Variants in CPE observed in about 807,000 individuals in gnomAD.
The protein encoded by CPE is carboxypeptidase E.
Under a neutral mutation model 53.5 loss-of-function variants are expected in CPE, and 17 were observed. The observed-to-expected ratio is 0.32, with a 90% CI of 0.22 to 0.48. The LOEUF is 0.48. CPE is among the 20% of genes least tolerant of loss of function. CPE has a pLI of 0.99. For synonymous variants in CPE, 226 were observed against 228.8 expected, an observed-to-expected ratio of 0.99 and a Z score of 0.11; for missense variants, 524 against 614.7, an observed-to-expected ratio of 0.85 and a Z score of 1.56.
intron 1 of CPE, among the ~76,000 whole-genome samples, chr4:165,389,253 A>C (rs73003609): frequency 1.5e-4 from 23 of 152,300 alleles, no homozygotes; most frequent in African/African-American, 5.5e-4. Flanking sequence ...TTGTGAATGC[A>C]GAAGTCGTCT....
rs1462686374 is a variant in CPE, at chr4:165,385,946, A to G, written c.307+6418A>G. Among the ~76,000 whole-genome samples, 4 of 152,002 alleles carry G rather than the reference A, an allele frequency of 2.6e-5. No individual in the cohort carries two copies. The East Asian group carries it at 7.7e-4, about 29-fold the overall frequency. ...AAACCTCCTTTCTCCCCGCTCCCTA[A>G]CTTTCTTACCCCTGCTGGGGCTCTT... On this transcript the variant is annotated intron_variant, in intron 1 of 8. Coordinates refer to ENST00000402744, the MANE Select transcript of CPE (RefSeq NM_001873.4).
At chr4:165,423,036 G>A (rs1287862447) in intron 1 of CPE, among the ~76,000 whole-genome samples, 1 of 149,234 alleles carries the variant, frequency 6.7e-6, no homozygotes, top group Non-Finnish European at 1.5e-5. Flanking sequence ...GGGACAACTC[G>A]AAGAAGGGAG....
chr4:165,495,469 G>C (rs1732690508), intron 7 of CPE, 90 bp from the exon 8 acceptor site: 3 of 799,012 alleles, frequency 3.8e-6, no homozygotes, highest in Non-Finnish European at 6.1e-6. Flanking sequence ...AACTGAGCTA[G>C]ACTGGGTATT....
chr4:165,483,357 A>C (rs1732453589), intron 4 of CPE, among the ~76,000 whole-genome samples: 1 of 152,178 alleles, frequency 6.6e-6, no homozygotes, highest in Non-Finnish European at 1.5e-5. Context: ...TGCATAGTGT[A>C]TATGTACCAC....
At chr4:165,393,950 C>A (rs531001356) in intron 1 of CPE, among the ~76,000 whole-genome samples, 50 of 152,192 alleles carry the variant, frequency 3.3e-4, no homozygotes, top group Non-Finnish European at 6.2e-4. Context: ...AAGAAACAAG[C>A]TTTTGTTGGA....
chr4:165,418,466 T>C (rs186252319), intron 1 of CPE, among the ~76,000 whole-genome samples: 101 of 152,246 alleles, frequency 6.6e-4, no homozygotes, highest in African/African-American at 2.2e-3. Context: ...TTGGGGAAAA[T>C]TAAAACTCTT....
intron 1 of CPE, among the ~76,000 whole-genome samples, chr4:165,388,671 C>G (rs1730635697): frequency 6.6e-6 from 1 of 152,206 alleles, no homozygotes; most frequent in African/African-American, 2.4e-5. Flanking sequence ...GAAGGCTTCT[C>G]TATCTTATTC....
chr4:165,422,503 A>G (rs1381572083), intron 1 of CPE, among the ~76,000 whole-genome samples: 1 of 152,150 alleles, frequency 6.6e-6, no homozygotes, highest in Non-Finnish European at 1.5e-5. Flanking sequence ...CATTATTGCT[A>G]TTGCAAACCA....
chr4:165,426,604 C>T (rs185950046), intron 1 of CPE, among the ~76,000 whole-genome samples: 16 of 152,254 alleles, frequency 1.1e-4, no homozygotes, highest in African/African-American at 3.6e-4. Context: ...TAGGCTGCCT[C>T]CAATTATTTT....
chr4:165,413,244 T>C (rs1397078944), intron 1 of CPE, among the ~76,000 whole-genome samples: 1 of 152,162 alleles, frequency 6.6e-6, no homozygotes, highest in Non-Finnish European at 1.5e-5. Flanking sequence ...CTCTATAGTG[T>C]GTTGTAATTG....
At chr4:165,415,455 G>A (rs113256722) in intron 1 of CPE, among the ~76,000 whole-genome samples, 1,814 of 152,140 alleles carry the variant, frequency 0.012, 31 homozygotes, top group African/African-American at 0.041. Flanking sequence ...TATTTTCTTA[G>A]CATTATTTCC....
In CPE at chr4:165,464,377, A is replaced by G. The variant is rs1163648322; in HGVS notation, c.308-13A>G. The G allele has an allele frequency of 1.9e-6, 3 of 1,586,992 alleles. No homozygotes were observed. The highest frequency in any genetic ancestry group is 3.5e-5 in the Admixed American group (2 of 57,598). On this transcript the variant is annotated splice_polypyrimidine_tract_variant and intron_variant, in intron 1 of 8. Transcript: ENST00000402744. ...CATAGAAAACATCTCCATGCTATCT[A>G]TTAATCTTTTAGGTGAGCCTGAATT...
At chr4:165,425,842 G>A (rs962604834) in intron 1 of CPE, among the ~76,000 whole-genome samples, 5 of 152,148 alleles carry the variant, frequency 3.3e-5, no homozygotes, top group African/African-American at 1.2e-4. Context: ...CTGACATCTG[G>A]TGGAGGCCAT....
chr4:165,402,448 A>G (rs906460352), intron 1 of CPE, among the ~76,000 whole-genome samples: 2 of 152,226 alleles, frequency 1.3e-5, no homozygotes, highest in African/African-American at 4.8e-5. Context: ...TCATGCTGAA[A>G]TGTAATGCCC....
At chr4:165,405,747 G>T in intron 1 of CPE, 1 of 935,640 alleles carries the variant, frequency 1.1e-6, no homozygotes. Flanking sequence ...TGTCTGCACG[G>T]ATGTTTCTGC....
At chr4:165,484,340 C>T in intron 4 of CPE, 82 bp from the exon 5 acceptor site, 2 of 1,272,588 alleles carry the variant, frequency 1.6e-6, no homozygotes, top group African/African-American at 1.5e-5. Flanking sequence ...TACAATTACT[C>T]AATACTGAAT....
rs1261175902 is a variant in CPE, at chr4:165,418,687, G to A, written c.307+39159G>A. Among the ~76,000 whole-genome samples, 4 of 152,286 alleles carry A rather than the reference G, an allele frequency of 2.6e-5. No individual in the cohort carries two copies. In the East Asian group the frequency reaches 7.7e-4, roughly 29 times the overall value. On this transcript the variant is annotated intron_variant, in intron 1 of 8. Coordinates refer to ENST00000402744, the MANE Select transcript of CPE (RefSeq NM_001873.4). ...AATCTGTTCTTTCCACATTTTTGAT[G>A]TAAGTAAGAATTCTCCCAAGAATGT...
At chr4:165,457,288 A>G (rs1401322779) in intron 1 of CPE, among the ~76,000 whole-genome samples, 2 of 152,224 alleles carry the variant, frequency 1.3e-5, no homozygotes, top group Non-Finnish European at 2.9e-5. Context: ...TATTTACACC[A>G]TGGAAATAGT....
At chr4:165,445,810 A>G (rs1364348558) in intron 1 of CPE, among the ~76,000 whole-genome samples, 1 of 152,150 alleles carries the variant, frequency 6.6e-6, no homozygotes, top group African/African-American at 2.4e-5. Context: ...AATTCCAGAA[A>G]ATATGTTAGA....
Sources: gnomAD v4.1 joint callset for allele counts (sites outside exome capture counted in the v4.1 genomes callset) on GRCh38, gnomAD v4.1.1 for gene constraint, MANE v1.5 for transcripts, NCBI Gene and HGNC (gene_info 2026-07-23, HGNC 2026-07-21) for gene names.